Variants in SNRK observed in about 807,000 individuals in gnomAD.
The protein encoded by SNRK is SNF related kinase.
In SNRK, 3 loss-of-function variants were observed where a neutral mutation model predicts 48.2. The ratio of observed to expected loss-of-function variants is 0.06; its 90% CI spans 0.03 to 0.16. The LOEUF (loss-of-function observed/expected upper bound fraction) is 0.16, where lower values mean the gene tolerates loss of function less well. Among genes scored for constraint, SNRK ranks in the 10% least tolerant of loss-of-function variants. The probability of loss-of-function intolerance (pLI) is 1.00; values close to 1 mark genes in which losing one functional copy is unlikely to be tolerated. For missense variants in SNRK, 627 were observed against 976.0 expected, an observed-to-expected ratio of 0.64 and a Z score of 4.76; for synonymous variants, 376 against 366.1, an observed-to-expected ratio of 1.03 and a Z score of -0.31.
At chr3:43,305,514 G>A (rs938482698) in intron 3 of SNRK, among the ~76,000 whole-genome samples, 4 of 138,272 alleles carry the variant, frequency 2.9e-5, no homozygotes, top group Admixed American at 1.5e-4. Flanking sequence ...ACAGAGTCTC[G>A]TTCTGTCACC....
chr3:43,297,060 G>A (rs1027242943), intron 1 of SNRK, among the ~76,000 whole-genome samples: 18 of 152,178 alleles, frequency 1.2e-4, no homozygotes, highest in Admixed American at 1.0e-3. Flanking sequence ...AAATAAAAAG[G>A]TTGCTCTAGA....
At chr3:43,336,096 T>G (rs924899333) in intron 4 of SNRK, among the ~76,000 whole-genome samples, 2 of 151,924 alleles carry the variant, frequency 1.3e-5, no homozygotes, top group Non-Finnish European at 2.9e-5. Context: ...TTTTATATGT[T>G]TTATGTTTGT....
intron 4 of SNRK, among the ~76,000 whole-genome samples, chr3:43,339,974 C>G (rs1049943066): frequency 6.7e-6 from 1 of 150,046 alleles, no homozygotes; most frequent in African/African-American, 2.4e-5. Context: ...ATTGCTGATC[C>G]TTGAATTTAA....
In SNRK at chr3:43,347,490, G is replaced by C. The variant is rs757744938; in HGVS notation, c.1231G>C (p.Ala411Pro). 6.2e-7 allele frequency: 1 copy of C among 1,613,876 alleles called. No homozygotes were observed. Among genetic ancestry groups the C allele is most frequent in the Admixed American group, 1.7e-5 (1 of 59,962 alleles). The stretch of plus-strand genomic sequence containing the variant: ...CAGGAGCAAAGGCCTGTGTGACTCA[G>C]CTAAGAAAGATGACCTCCCTGAGTT... ...GHRSKGLCDS[A>P]KKDDLPELAG... Residue 411 changes from alanine (A) to proline (P), a missense_variant, in exon 7 of 7, where the codon GCT becomes CCT. Transcript: ENST00000296088. This position sits in a 1 kb window ranked among gnomAD's most constrained non-coding sequence, Gnocchi z 5.4.
rs560118777 is a variant in SNRK at position 43,348,002 on chromosome 3, G to C, written c.1743G>C (p.Gly581=). Residue 581 remains glycine (G), a synonymous_variant, in exon 7 of 7, where the codon GGG becomes GGC. Coordinates refer to ENST00000296088, the MANE Select transcript of SNRK (RefSeq NM_017719.5). Reference sequence around the variant, plus strand: ...CCCCTGGCAGTGAGGGGGATGGCGGGGGCCAGAGCAAGCCAAGCAATGCCA... The same window carrying C: ...CCCCTGGCAGTGAGGGGGATGGCGGCGGCCAGAGCAAGCCAAGCAATGCCA... The part of the protein sequence containing the change: ...EGPPGSEGDG[G]GQSKPSNASG... 9 of 1,613,138 alleles carry C rather than the reference G, an allele frequency of 5.6e-6. No homozygotes were observed. The highest frequency in any genetic ancestry group is 7.6e-6 in the Non-Finnish European group (9 of 1,179,580).
At chr3:43,301,310 C>T (rs1029749028) in intron 2 of SNRK, among the ~76,000 whole-genome samples, 1 of 152,110 alleles carries the variant, frequency 6.6e-6, no homozygotes, top group African/African-American at 2.4e-5. Flanking sequence ...GGTATTTTAA[C>T]TCTAAAAATA....
intron 3 of SNRK, among the ~76,000 whole-genome samples, chr3:43,307,701 G>GTC (rs1174402018): frequency 1.4e-3 from 218 of 150,860 alleles, no homozygotes; most frequent in African/African-American, 4.5e-3. Flanking sequence ...CTCTCTCTCT[G>GTC]TCTCTCTCTC....
intron 1 of SNRK, among the ~76,000 whole-genome samples, chr3:43,296,260 T>C (rs1226615144): frequency 6.6e-6 from 1 of 151,908 alleles, no homozygotes; most frequent in Non-Finnish European, 1.5e-5. Flanking sequence ...ATGTACAATT[T>C]GGTCTACTGT....
chr3:43,293,674 G>A (rs1397928648), intron 1 of SNRK, among the ~76,000 whole-genome samples: 1 of 152,050 alleles, frequency 6.6e-6, no homozygotes, highest in Non-Finnish European at 1.5e-5. Flanking sequence ...CAGCACCTCG[G>A]GAGGCCAAGG....
In SNRK at chr3:43,350,347, CAT is replaced by C. The variant is rs1172171569; in HGVS notation, c.*1792_*1793del. The C allele has an allele frequency of 3.3e-5, 5 of 152,582 alleles. No individual in the cohort carries two copies. The highest frequency in any genetic ancestry group is 1.2e-4 in the African/African-American group (5 of 41,434). The allele number at this position is 152,582 out of a possible 1,614,324, so 9.5% of individuals were successfully genotyped here. On this transcript the variant is annotated 3_prime_UTR_variant, in exon 7 of 7. Coordinates refer to ENST00000296088, the MANE Select transcript of SNRK (RefSeq NM_017719.5). ...TAGTGAGCGTAACATCTGTATTAAACATAGGAGAGAAGTTTATAAAGGGCATT... is the reference window on the plus strand; with the variant it reads ...TAGTGAGCGTAACATCTGTATTAAACAGGAGAGAAGTTTATAAAGGGCATT...
intron 3 of SNRK, among the ~76,000 whole-genome samples, chr3:43,323,663 T>C (rs1257460213): frequency 6.6e-6 from 1 of 152,148 alleles, no homozygotes; most frequent in Non-Finnish European, 1.5e-5. Context: ...CTGTACACAC[T>C]TTTTTTGTGA....
chr3:43,292,135 CAA>C (rs2090816972), intron 1 of SNRK, among the ~76,000 whole-genome samples: 1 of 152,130 alleles, frequency 6.6e-6, no homozygotes, highest in Non-Finnish European at 1.5e-5. Flanking sequence ...AGAAATAAGA[CAA>C]AAATCCATGG....
At chr3:43,339,250 A>G (rs962885080) in intron 4 of SNRK, among the ~76,000 whole-genome samples, 7 of 152,172 alleles carry the variant, frequency 4.6e-5, no homozygotes, top group African/African-American at 9.7e-5. Context: ...TAGAAGATCT[A>G]AGTTGTTTCT....
At chr3:43,298,392 G>A (rs1374104927) in intron 1 of SNRK, among the ~76,000 whole-genome samples, 1 of 152,154 alleles carries the variant, frequency 6.6e-6, no homozygotes, top group Admixed American at 6.5e-5. Context: ...CCCTCTTGGA[G>A]CTGAAGAACC....
At position 43,303,316 on chromosome 3, in the gene SNRK, C is replaced by T. The variant is rs2090912197; in HGVS notation, c.113C>T (p.Thr38Met). ...AVVKLARHVFTGEKVAVKVID... is the reference protein window; with the variant it reads ...AVVKLARHVFMGEKVAVKVID... The stretch of plus-strand genomic sequence containing the variant: ...GTTAAACTTGCCAGGCATGTCTTTA[C>T]GGGTGAAAAGGTGGCAGTAAAAGTT... The change falls in exon 3 of 7, where the codon ACG becomes ATG. Residue 38 changes from threonine to methionine, a missense_variant. Thr to Met is a moderately conservative substitution (Grantham distance 81, BLOSUM62 -1). Transcript: ENST00000296088. The surrounding 1 kb of genome is among the most constrained non-coding windows in gnomAD (Gnocchi z 6.2). 2 of 1,614,082 alleles carry T rather than the reference C, an allele frequency of 1.2e-6. No individual in the cohort carries two copies. The highest frequency in any genetic ancestry group is 8.5e-7 in the Non-Finnish European group (1 of 1,180,000).
intron 1 of SNRK, among the ~76,000 whole-genome samples, chr3:43,298,287 G>C (rs2090872094): frequency 6.6e-6 from 1 of 152,140 alleles, no homozygotes; most frequent in South Asian, 2.1e-4. Context: ...ACTTATTACT[G>C]TACTACCGCA....
intron 5 of SNRK, 31 bp downstream of exon 5, chr3:43,340,530 A>T: frequency 6.3e-7 from 1 of 1,587,048 alleles, no homozygotes; most frequent in Non-Finnish European, 8.6e-7. Flanking sequence ...ACAGAGGGCC[A>T]CAGGTTTAGG....
chr3:43,298,105 C>G (rs188150806), intron 1 of SNRK, among the ~76,000 whole-genome samples: 123 of 152,176 alleles, frequency 8.1e-4, no homozygotes, highest in Non-Finnish European at 1.3e-3. Flanking sequence ...AACACTTTAC[C>G]TATATTAAGT....
At chr3:43,342,648 C>T (rs2091245964) in intron 5 of SNRK, among the ~76,000 whole-genome samples, 1 of 152,226 alleles carries the variant, frequency 6.6e-6, no homozygotes, top group Admixed American at 6.5e-5. Context: ...CCAAAGCACA[C>T]TCCTAGTATG....
Sources: gnomAD v4.1 joint callset for allele counts (sites outside exome capture counted in the v4.1 genomes callset) on GRCh38, gnomAD v4.1.1 for gene constraint, Gnocchi (gnomAD v3.1) non-coding constraint, MANE v1.5 for transcripts, NCBI Gene and HGNC (gene_info 2026-07-23, HGNC 2026-07-21) for gene names.